The following COL25A1 variants were observed in gnomAD, a reference collection of about 807,000 sequenced individuals.
COL25A1 encodes collagen alpha-1(XXV) chain.
Under a neutral mutation model 128.4 loss-of-function variants are expected in COL25A1, and 103 were observed. The observed-to-expected ratio is 0.80, with a 90% CI of 0.68 to 0.94. The LOEUF is 0.94. Ranked by LOEUF, COL25A1 falls within the 40% of genes least tolerant of loss-of-function variation. COL25A1 has a pLI of 0.00. For synonymous variants in COL25A1, 279 were observed against 277.2 expected, an observed-to-expected ratio of 1.01 and a Z score of -0.06; for missense variants, 745 against 840.0, an observed-to-expected ratio of 0.89 and a Z score of 1.40.
intron 5 of COL25A1, among the ~76,000 whole-genome samples, chr4:109,033,140 A>T (rs903711074): frequency 1.3e-5 from 2 of 152,110 alleles, no homozygotes; most frequent in African/African-American, 4.8e-5. Flanking sequence ...GTTTTGTTTC[A>T]TTGAAAGGAA....
At chr4:109,239,424 T>TG (rs1560914982) in intron 3 of COL25A1, among the ~76,000 whole-genome samples, 1 of 107,266 alleles carries the variant, frequency 9.3e-6, no homozygotes, top group Non-Finnish European at 2.0e-5. Context: ...ATATATATAT[T>TG]TATTTATTTA....
chr4:108,860,558 T>A (rs953723185), intron 23 of COL25A1, among the ~76,000 whole-genome samples: 2 of 152,166 alleles, frequency 1.3e-5, no homozygotes, highest in African/African-American at 4.8e-5. Flanking sequence ...TTTCCATTAG[T>A]CATGTCATAA....
intron 20 of COL25A1, among the ~76,000 whole-genome samples, chr4:108,868,672 A>G (rs1406003039): frequency 6.8e-6 from 1 of 147,262 alleles, no homozygotes; most frequent in Non-Finnish European, 1.5e-5. Flanking sequence ...AAGGAAGGGG[A>G]AGGAAAGGGA....
chr4:108,980,182 T>A (rs1428286094), intron 6 of COL25A1, among the ~76,000 whole-genome samples: 1 of 152,232 alleles, frequency 6.6e-6, no homozygotes, highest in Admixed American at 6.5e-5. Context: ...CTCTGTTTTG[T>A]GGAACTCTGA....
intron 5 of COL25A1, among the ~76,000 whole-genome samples, chr4:109,020,638 C>T (rs1757646742): frequency 6.6e-6 from 1 of 151,970 alleles, no homozygotes; most frequent in African/African-American, 2.4e-5. Context: ...CAAGTTGTCA[C>T]ATTAATTTTA....
chr4:109,041,366 C>CT (rs1314092975), intron 5 of COL25A1, among the ~76,000 whole-genome samples: 125 of 126,726 alleles, frequency 9.9e-4, no homozygotes, highest in African/African-American at 3.6e-3. Flanking sequence ...ATGTCACCCC[C>CT]TTTTTTAAAA....
At chr4:108,838,029 A>C in intron 31 of COL25A1, 7 of 1,063,796 alleles carry the variant, frequency 6.6e-6, no homozygotes, top group Admixed American at 2.0e-5. Context: ...TGAGTAAACC[A>C]GAGTTATCAT....
At chr4:108,882,801 G>A (rs1417344959) in intron 19 of COL25A1, among the ~76,000 whole-genome samples, 1 of 151,954 alleles carries the variant, frequency 6.6e-6, no homozygotes, top group Non-Finnish European at 1.5e-5. Context: ...TACTAATCTA[G>A]AAACATCAAA....
chr4:109,204,996 C>A (rs975564542), intron 3 of COL25A1, among the ~76,000 whole-genome samples: 2 of 152,122 alleles, frequency 1.3e-5, no homozygotes, highest in Non-Finnish European at 2.9e-5. Context: ...GTGTGTGTTA[C>A]CACTGTGTGA....
intron 3 of COL25A1, among the ~76,000 whole-genome samples, chr4:109,282,640 C>A (rs759435211): frequency 2.6e-5 from 4 of 152,170 alleles, no homozygotes; most frequent in Non-Finnish European, 5.9e-5. Context: ...TATCACCCTG[C>A]CTTTGAGAGT....
chr4:108,897,898 A>C (rs1742332688), intron 15 of COL25A1, among the ~76,000 whole-genome samples: 1 of 152,190 alleles, frequency 6.6e-6, no homozygotes, highest in South Asian at 2.1e-4. Context: ...ACACTGCGGC[A>C]GGCCACAAGA....
At chr4:109,033,227 G>C (rs1759035423) in intron 5 of COL25A1, among the ~76,000 whole-genome samples, 1 of 152,222 alleles carries the variant, frequency 6.6e-6, no homozygotes, top group Non-Finnish European at 1.5e-5. Context: ...GTGTATAGGT[G>C]TATGAAGCAT....
intron 3 of COL25A1, among the ~76,000 whole-genome samples, chr4:109,139,810 C>T (rs2526446): frequency 0.066 from 9,996 of 151,620 alleles, 610 homozygotes; most frequent in African/African-American, 0.16. Flanking sequence ...TCTCCTAATG[C>T]TATCCCACCC....
At chr4:109,002,500 TA>T (rs1195802245) in intron 6 of COL25A1, among the ~76,000 whole-genome samples, 15 of 152,244 alleles carry the variant, frequency 9.9e-5, no homozygotes, top group African/African-American at 3.4e-4. Context: ...ATGTGAAATC[TA>T]AAGAGGTCAA....
chr4:109,026,461 T>C (rs1242055104), intron 5 of COL25A1, among the ~76,000 whole-genome samples: 2 of 152,160 alleles, frequency 1.3e-5, no homozygotes, highest in Non-Finnish European at 2.9e-5. Context: ...GCTCCGTAGA[T>C]GGCAAGCAGG....
intron 8 of COL25A1, among the ~76,000 whole-genome samples, chr4:108,957,986 C>G (rs1750264482): frequency 2.0e-5 from 3 of 152,068 alleles, no homozygotes; most frequent in Non-Finnish European, 4.4e-5. Flanking sequence ...AATTCAGATG[C>G]ATTCAACTCT....
chr4:109,046,300 C>G (rs1284517640), intron 5 of COL25A1, among the ~76,000 whole-genome samples: 1 of 152,112 alleles, frequency 6.6e-6, no homozygotes, highest in Non-Finnish European at 1.5e-5. Flanking sequence ...AAAGGAGGAA[C>G]AATTGACATC....
In COL25A1 at chr4:108,937,821, T is replaced by G. The variant is rs759493626; in HGVS notation, c.695A>C (p.Glu232Ala). ...TGAGATACTTGCCATCAAGCCTTGT[T>G]CTCCTGGCTTTCCTGGTTCACCCTT... ...GVPGEPGKPG[E>A]QGLMGPLGPP... The change falls in exon 11 of 38, where the codon GAA becomes GCA. Residue 232 changes from glutamate (E) to alanine (A), a missense_variant. Glu to Ala is a moderately radical substitution (Grantham distance 107, BLOSUM62 -1). Around this residue, in one of 3 missense-constraint regions of COL25A1, gnomAD observed 319 missense variants for 324.9 expected, o/e 0.98. Coordinates refer to ENST00000399132, the MANE Select transcript of COL25A1 (RefSeq NM_198721.4). 1.2e-6 allele frequency: 2 copies of G among 1,608,314 alleles called. No individual in the cohort carries two copies. The highest frequency in any genetic ancestry group is 1.1e-5 in the South Asian group (1 of 89,598).
At chr4:109,263,853 CG>C (rs953423155) in intron 3 of COL25A1, among the ~76,000 whole-genome samples, 19 of 152,154 alleles carry the variant, frequency 1.2e-4, no homozygotes, top group African/African-American at 4.3e-4. Flanking sequence ...AAAAACAAAA[CG>C]GCACACCTCC....
Sources: allele counts gnomAD v4.1 joint callset (sites outside exome capture counted in the v4.1 genomes callset), GRCh38; gene constraint gnomAD v4.1.1; regional missense constraint gnomAD v4.1.1; transcripts MANE v1.5; gene names NCBI Gene and HGNC (gene_info 2026-07-23, HGNC 2026-07-21).